CC2D2B: variants seen among roughly 807,000 people sequenced by gnomAD.
CC2D2B encodes the protein coiled-coil and C2 domain containing 2B.
Under a neutral mutation model 161.2 loss-of-function variants are expected in CC2D2B, and 128 were observed. The observed-to-expected ratio is 0.79, with a 90% CI of 0.69 to 0.92. CC2D2B has a LOEUF of 0.92. Among genes scored for constraint, CC2D2B ranks in the 40% least tolerant of loss-of-function variants. The pLI is 0.00. For synonymous variants in CC2D2B, 391 were observed against 449.8 expected, an observed-to-expected ratio of 0.87 and a Z score of 1.65; for missense variants, 1,173 against 1,375.1, an observed-to-expected ratio of 0.85 and a Z score of 2.32.
chr10:95,927,706 C>T (rs183947637), intron 6 of CC2D2B, among the ~76,000 whole-genome samples: 1 of 143,444 alleles, frequency 7.0e-6, no homozygotes, highest in East Asian at 2.0e-4. Flanking sequence ...TTCTTTCTTT[C>T]TTTTTTTTTT....
At position 96,009,825 on chromosome 10, in the gene CC2D2B, G is replaced by A; in HGVS notation, c.2947G>A (p.Asp983Asn). ...FDEMMTEKHE[D>N]HCLKSCSGHS... is the part of the protein sequence containing the mutation. ...AATAAAAAATTATTTATTTTCATAG[G>A]ATCACTGTCTCAAGAGCTGTAGTGG... Residue 983 changes from aspartate to asparagine, a missense_variant and splice_region_variant, in exon 26 of 35, where the codon GAT becomes AAT. By Grantham distance (23) the Asp-to-Asn change is conservative (BLOSUM62 1). This residue lies in a region of CC2D2B where 598 missense variants were observed against 693.2 expected (regional missense o/e 0.86). Transcript: ENST00000646931. 6.7e-7 allele frequency: 1 copy of A among 1,482,338 alleles called. No homozygotes were observed. Among genetic ancestry groups the A allele is most frequent in the Non-Finnish European group, 9.2e-7 (1 of 1,087,556 alleles). 91.8% of individuals were successfully genotyped at this position (1,482,338 alleles called of 1,614,324 possible).
intron 6 of CC2D2B, among the ~76,000 whole-genome samples, chr10:95,936,407 C>G (rs950281345): frequency 7.2e-5 from 11 of 152,142 alleles, no homozygotes; most frequent in African/African-American, 2.4e-4. Context: ...TCTGGGCAAC[C>G]CAGAGTGAGG....
At chr10:96,002,795 G>A (rs2078557544) in intron 24 of CC2D2B, among the ~76,000 whole-genome samples, 2 of 152,102 alleles carry the variant, frequency 1.3e-5, no homozygotes, top group Non-Finnish European at 2.9e-5. Context: ...AAGATCCTTT[G>A]AAATAGTGGT....
intron 2 of CC2D2B, chr10:95,920,002 G>C (rs936067467): frequency 6.6e-6 from 1 of 151,724 alleles, no homozygotes; most frequent in Non-Finnish European, 1.5e-5. Flanking sequence ...AAGGCCCAAG[G>C]GGTTTTTAGT....
At chr10:95,978,126 G>GA (rs1173229427) in intron 17 of CC2D2B, among the ~76,000 whole-genome samples, 1 of 152,090 alleles carries the variant, frequency 6.6e-6, no homozygotes, top group Admixed American at 6.6e-5. Flanking sequence ...TTTGAGCCAT[G>GA]AAAAAAATTT....
intron 14 of CC2D2B, among the ~76,000 whole-genome samples, chr10:95,967,682 A>T (rs1220694481): frequency 6.6e-6 from 1 of 152,236 alleles, no homozygotes; most frequent in Non-Finnish European, 1.5e-5. Flanking sequence ...TCAAATTTTT[A>T]AAATCAATAC....
chr10:96,030,171 C>T (rs893173890), intron 34 of CC2D2B, among the ~76,000 whole-genome samples: 1 of 151,956 alleles, frequency 6.6e-6, no homozygotes, highest in Non-Finnish European at 1.5e-5. Context: ...TCCTCAAATG[C>T]GAAACCCATG....
intron 2 of CC2D2B, among the ~76,000 whole-genome samples, chr10:95,917,506 A>G (rs1376985509): frequency 6.7e-6 from 1 of 149,630 alleles, no homozygotes; most frequent in Non-Finnish European, 1.5e-5. Flanking sequence ...GGTGAAAGCA[A>G]TTTTCTCTGG....
In CC2D2B at chr10:95,983,792, C is replaced by G. The variant is rs1049157378; in HGVS notation, c.2269C>G (p.Pro757Ala). The G allele has an allele frequency of 4.1e-6, 5 of 1,225,274 alleles. No homozygotes were observed. Among genetic ancestry groups the G allele is most frequent in the Non-Finnish European group, 3.1e-6 (3 of 981,980 alleles). 75.9% of individuals were successfully genotyped at this position (1,225,274 alleles called of 1,614,324 possible). ...QQMPLHDTEI[P>A]DLVFQEYESQ... is the part of the protein sequence containing the mutation. ...AATGCCCCTCCATGATACAGAGATT[C>G]CAGATTTAGTCTTCCAGGTATTTGG... Residue 757 changes from proline (P) to alanine (A), a missense_variant, in exon 19 of 35, where the codon CCA (proline) becomes GCA (alanine). Transcript: ENST00000646931.
At chr10:95,992,137 G>A (rs1184421836) in intron 21 of CC2D2B, among the ~76,000 whole-genome samples, 2 of 152,112 alleles carry the variant, frequency 1.3e-5, no homozygotes, top group South Asian at 2.1e-4. Flanking sequence ...CTGGGTTGGC[G>A]GCATATATAA....
chr10:95,912,661 T>C (rs970501803), intron 2 of CC2D2B, among the ~76,000 whole-genome samples: 1 of 152,162 alleles, frequency 6.6e-6, no homozygotes, highest in Non-Finnish European at 1.5e-5. Flanking sequence ...AAAACTAGTA[T>C]AGCATTGAAT....
At chr10:95,974,670 C>A (rs992857041) in intron 17 of CC2D2B, among the ~76,000 whole-genome samples, 5 of 152,116 alleles carry the variant, frequency 3.3e-5, no homozygotes, top group African/African-American at 1.2e-4. Flanking sequence ...TTTATTTCAT[C>A]ATTTAAAATA....
intron 17 of CC2D2B, among the ~76,000 whole-genome samples, 169 bp from the exon 18 acceptor site, chr10:95,981,806 G>C (rs2077541635): frequency 1.3e-5 from 2 of 152,288 alleles, no homozygotes; most frequent in South Asian, 4.1e-4. Context: ...AAAACTAGGA[G>C]AGATGTCACA....
chr10:95,969,761 A>G (rs541725885), intron 15 of CC2D2B, among the ~76,000 whole-genome samples: 85 of 150,324 alleles, frequency 5.7e-4, no homozygotes, highest in African/African-American at 2.0e-3. Context: ...TCCTAATACA[A>G]AAAAAAAAGA....
intron 4 of CC2D2B, 128 bp downstream of exon 4, chr10:95,924,518 C>G: frequency 3.6e-5 from 19 of 534,980 alleles, no homozygotes; most frequent in Non-Finnish European, 4.6e-5. Context: ...CTAAAGTCTT[C>G]CTCTCTCTCT....
chr10:95,979,175 T>G (rs1181535534), intron 17 of CC2D2B, among the ~76,000 whole-genome samples: 2 of 151,568 alleles, frequency 1.3e-5, no homozygotes, highest in South Asian at 2.1e-4. Context: ...TTTTGGTGTT[T>G]TTTTTTTTTT....
intron 34 of CC2D2B, among the ~76,000 whole-genome samples, chr10:96,029,288 A>G (rs556786196): frequency 1.8e-3 from 136 of 74,454 alleles, no homozygotes; most frequent in Non-Finnish European, 2.4e-3. Flanking sequence ...ATATATATGT[A>G]TATATATATA....
intron 25 of CC2D2B, among the ~76,000 whole-genome samples, chr10:96,007,720 C>G (rs538591251): frequency 6.6e-6 from 1 of 152,172 alleles, no homozygotes; most frequent in African/African-American, 2.4e-5. Flanking sequence ...TTTTTTCAAA[C>G]TTCAGCTATT....
chr10:95,943,629 A>T (rs1471933573), intron 9 of CC2D2B, among the ~76,000 whole-genome samples: 1 of 152,142 alleles, frequency 6.6e-6, no homozygotes, highest in East Asian at 1.9e-4. Flanking sequence ...AGATATATTT[A>T]GTCTTTTCAT....
Sources: allele counts gnomAD v4.1 joint callset (sites outside exome capture counted in the v4.1 genomes callset), GRCh38; gene constraint gnomAD v4.1.1; regional missense constraint gnomAD v4.1.1; transcripts MANE v1.5; gene names NCBI Gene and HGNC (gene_info 2026-07-23, HGNC 2026-07-21).